THSD7A: variants seen among roughly 807,000 people sequenced by gnomAD.
The protein encoded by THSD7A is thrombospondin type 1 domain containing 7A.
THSD7A carries 96 observed loss-of-function variants against 231.3 expected under a neutral mutation model. That is an observed-to-expected ratio of 0.41 (90% CI 0.35 to 0.49). The LOEUF (loss-of-function observed/expected upper bound fraction) is 0.49. Ranked by LOEUF, THSD7A falls within the 20% of genes least tolerant of loss-of-function variation. The pLI is 0.05. For synonymous variants in THSD7A, 940 were observed against 743.3 expected, an observed-to-expected ratio of 1.26 and a Z score of -4.30; for missense variants, 2,290 against 2,070.2, an observed-to-expected ratio of 1.11 and a Z score of -2.06.
At chr7:11,730,969 C>A (rs1781708789) in intron 1 of THSD7A, among the ~76,000 whole-genome samples, 1 of 151,602 alleles carries the variant, frequency 6.6e-6, no homozygotes, top group South Asian at 2.1e-4. Context: ...TCAACATATA[C>A]CATACATAGT....
chr7:11,619,732 A>G (rs1781240887), intron 2 of THSD7A, among the ~76,000 whole-genome samples: 2 of 152,070 alleles, frequency 1.3e-5, no homozygotes, highest in South Asian at 4.1e-4. Flanking sequence ...CAATTTACAT[A>G]CTTTTAAAAT....
At position 11,406,946 on chromosome 7, in the gene THSD7A, C is replaced by A; in HGVS notation, c.4026G>T (p.Arg1342=). 6.2e-7 allele frequency: 1 copy of A among 1,613,842 alleles called. No homozygotes were observed. Among genetic ancestry groups the A allele is most frequent in the South Asian group, 1.1e-5 (1 of 91,054 alleles). ...ATGGAGACCACTGGCCATATTGCCA[C>A]CGATAACAAGGCTTCACTGGGCAGG... is the stretch of plus-strand genomic sequence containing the variant. ...SKPCPVKPCY[R]WQYGQWSPCQ... Residue 1342 remains arginine, a synonymous_variant, in exon 21 of 28, where the codon CGG becomes CGT. Coordinates refer to ENST00000423059, the MANE Select transcript of THSD7A (RefSeq NM_015204.3). The surrounding 1 kb of genome is among the most constrained non-coding windows in gnomAD (Gnocchi z 4.7).
chr7:11,553,167 A>C (rs1226091261), intron 4 of THSD7A, among the ~76,000 whole-genome samples: 1 of 152,110 alleles, frequency 6.6e-6, no homozygotes. Flanking sequence ...TGCTAAGCGC[A>C]CCAAATCAAC....
At chr7:11,381,252 C>A (rs1477996572) in intron 24 of THSD7A, among the ~76,000 whole-genome samples, 1 of 152,028 alleles carries the variant, frequency 6.6e-6, no homozygotes, top group African/African-American at 2.4e-5. Context: ...AGTGAGAGAG[C>A]AAAGGGTTTC....
At chr7:11,568,969 C>A (rs182368643) in intron 4 of THSD7A, among the ~76,000 whole-genome samples, 3 of 137,312 alleles carry the variant, frequency 2.2e-5, no homozygotes, top group Non-Finnish European at 4.6e-5. Flanking sequence ...AGAAAGCAAT[C>A]CCGTTTACAA....
At chr7:11,709,978 G>A (rs560660286) in intron 1 of THSD7A, among the ~76,000 whole-genome samples, 3 of 150,980 alleles carry the variant, frequency 2.0e-5, no homozygotes, top group Admixed American at 6.6e-5. Flanking sequence ...TGGATCAAAT[G>A]TATGGCTACT....
intron 1 of THSD7A, chr7:11,820,878 G>T: frequency 3.4e-6 from 3 of 885,968 alleles, no homozygotes; most frequent in South Asian, 1.4e-5. Context: ...CCTTTCCCTC[G>T]AGTGGCTGGA....
intron 4 of THSD7A, among the ~76,000 whole-genome samples, chr7:11,565,390 C>A (rs1237591689): frequency 1.3e-5 from 2 of 152,168 alleles, no homozygotes; most frequent in African/African-American, 4.8e-5. Flanking sequence ...CAGACTGTCG[C>A]TTAAACACAA....
chr7:11,665,799 G>A (rs80075219), intron 1 of THSD7A, among the ~76,000 whole-genome samples: 2,495 of 152,026 alleles, frequency 0.016, 48 homozygotes, highest in Non-Finnish European at 0.021. Flanking sequence ...AAAAAAGAAC[G>A]TAAAGTTACT....
intron 17 of THSD7A, among the ~76,000 whole-genome samples, chr7:11,413,045 A>G (rs1468060713): frequency 1.3e-5 from 2 of 152,036 alleles, no homozygotes; most frequent in African/African-American, 2.4e-5. Flanking sequence ...CCTCACACCT[A>G]TACACAGCCA....
At position 11,632,687 on chromosome 7, in the gene THSD7A, G is replaced by A. The variant is rs1781695208; in HGVS notation, c.1022+3443C>T. Among the ~76,000 whole-genome samples, 2 of 152,042 alleles carry A rather than the reference G, an allele frequency of 1.3e-5. No individual in the cohort carries two copies. Among genetic ancestry groups the A allele is most frequent in the South Asian group, 4.1e-4 (2 of 4,824 alleles). ...AATGCTTCTAATGTTTCACAGTTGA[G>A]CACCGTCCCAGCTTTCAGTCTGATG... On this transcript the variant is annotated intron_variant, in intron 2 of 27. Transcript: ENST00000423059. The surrounding 1 kb of genome is among the most constrained non-coding windows in gnomAD (Gnocchi z 4.1).
At position 11,406,839 on chromosome 7, in the gene THSD7A, T is replaced by A; in HGVS notation, c.4062+71A>T. On this transcript the variant is annotated intron_variant, in intron 21 of 27. Coordinates refer to ENST00000423059, the MANE Select transcript of THSD7A (RefSeq NM_015204.3). This position sits in a 1 kb window ranked among gnomAD's most constrained non-coding sequence, Gnocchi z 4.7. ...AAACATATTTCTAACACATTATTTT[T>A]ATGTTTTTCTGCAGATGAAGTCTCT... is the stretch of plus-strand genomic sequence containing the variant. 6.5e-7 allele frequency: 1 copy of A among 1,530,258 alleles called. No individual in the cohort carries two copies. Among genetic ancestry groups the A allele is most frequent in the South Asian group, 1.2e-5 (1 of 80,794 alleles). The allele number at this position is 1,530,258 out of a possible 1,614,324, so 94.8% of individuals were successfully genotyped here. A position where few individuals can be genotyped will look rare whatever the true frequency, so the allele number is the denominator to read the frequency against.
intron 1 of THSD7A, among the ~76,000 whole-genome samples, chr7:11,784,180 G>A (rs1390425146): frequency 1.3e-5 from 2 of 151,208 alleles, no homozygotes; most frequent in Non-Finnish European, 3.0e-5. Flanking sequence ...CCATATATAT[G>A]TATGTTTATG....
intron 15 of THSD7A, among the ~76,000 whole-genome samples, chr7:11,425,117 C>T (rs930345716): frequency 6.6e-6 from 1 of 152,060 alleles, no homozygotes; most frequent in Non-Finnish European, 1.5e-5. Context: ...CTTAACACAC[C>T]GTATTGTAAC....
chr7:11,664,978 C>A (rs746579886), intron 1 of THSD7A, among the ~76,000 whole-genome samples: 20 of 151,998 alleles, frequency 1.3e-4, no homozygotes, highest in Non-Finnish European at 2.6e-4. Context: ...AATTGACTGG[C>A]CTGTTACTTG....
At chr7:11,829,508 A>AT in intron 1 of THSD7A, among the ~76,000 whole-genome samples, 1 of 152,248 alleles carries the variant, frequency 6.6e-6, no homozygotes, top group East Asian at 1.9e-4. Context: ...CAGTGTAACA[A>AT]CTTTCACTAC....
chr7:11,409,551 A>C (rs1783709588), intron 19 of THSD7A, among the ~76,000 whole-genome samples: 1 of 152,202 alleles, frequency 6.6e-6, no homozygotes, highest in Non-Finnish European at 1.5e-5. Flanking sequence ...TTTGTCCTTT[A>C]ATCATATGAA....
chr7:11,646,930 A>G (rs1782305605), intron 1 of THSD7A, among the ~76,000 whole-genome samples: 1 of 152,080 alleles, frequency 6.6e-6, no homozygotes, highest in Non-Finnish European at 1.5e-5. Flanking sequence ...AAGCCAGTGC[A>G]AGCATATGTA....
At position 11,446,098 on chromosome 7, in the gene THSD7A, A is replaced by G; in HGVS notation, c.3027T>C (p.Asn1009=). 2 of 1,613,398 alleles carry G rather than the reference A, an allele frequency of 1.2e-6. No individual in the cohort carries two copies. The highest frequency in any genetic ancestry group is 1.7e-6 in the Non-Finnish European group (2 of 1,179,552). Residue 1009 remains asparagine (N), a synonymous_variant, in exon 13 of 28, where the codon AAT becomes AAC. Transcript: ENST00000423059. This position sits in a 1 kb window ranked among gnomAD's most constrained non-coding sequence, Gnocchi z 4.0. ...ATCTAGATGTTTCCACAAGCCTGCC[A>G]TTTTGATCGTAGCATGCCATTGCTT... is the stretch of plus-strand genomic sequence containing the variant. ...RYQAMACYDQ[N]GRLVETSRCN... is the part of the protein sequence containing the mutation.
Sources: allele counts gnomAD v4.1 joint callset (sites outside exome capture counted in the v4.1 genomes callset), GRCh38; gene constraint gnomAD v4.1.1; non-coding constraint Gnocchi (gnomAD v3.1); transcripts MANE v1.5; gene names NCBI Gene and HGNC (gene_info 2026-07-23, HGNC 2026-07-21).